WDR41: variants seen among roughly 807,000 people sequenced by gnomAD.
WDR41 encodes the protein WD repeat domain 41, also known as WD repeat-containing protein 41.
WDR41 carries 63 observed loss-of-function variants against 69.3 expected under a neutral mutation model. That is an observed-to-expected ratio of 0.91 (90% CI 0.74 to 1.12). The LOEUF is 1.12. Ranked by LOEUF, WDR41 falls within the 50% of genes most tolerant of loss-of-function variation. The pLI, the probability that WDR41 is intolerant of heterozygous loss-of-function variation, is 0.00. For missense variants in WDR41, 543 were observed against 534.5 expected, an observed-to-expected ratio of 1.02 and a Z score of -0.16; for synonymous variants, 185 against 192.1, an observed-to-expected ratio of 0.96 and a Z score of 0.31.
intron 1 of WDR41, chr5:77,620,363 G>A (rs1744758451): frequency 5.1e-6 from 2 of 390,014 alleles, no homozygotes; most frequent in Non-Finnish European, 5.1e-6. Context: ...AAATGTAAAT[G>A]ATCCCAGCTA....
intron 1 of WDR41, among the ~76,000 whole-genome samples, chr5:77,610,159 A>G (rs1480809715): frequency 6.6e-6 from 1 of 152,258 alleles, no homozygotes; most frequent in Non-Finnish European, 1.5e-5. Flanking sequence ...GGACTATGTG[A>G]AAAGACCAAA....
intron 1 of WDR41, among the ~76,000 whole-genome samples, chr5:77,613,362 G>T (rs1379984868): frequency 1.2e-4 from 18 of 152,272 alleles, no homozygotes; most frequent in African/African-American, 3.9e-4. Flanking sequence ...AAAGAACAAA[G>T]CTGGAGGCAT....
At chr5:77,500,326 T>C (rs1801998795) in intron 1 of WDR41, among the ~76,000 whole-genome samples, 1 of 152,070 alleles carries the variant, frequency 6.6e-6, no homozygotes, top group Non-Finnish European at 1.5e-5. Flanking sequence ...GATGAACTAA[T>C]AGCAGAATGG....
intron 2 of WDR41, among the ~76,000 whole-genome samples, chr5:77,482,471 T>C (rs1185837281): frequency 6.6e-6 from 1 of 152,206 alleles, no homozygotes; most frequent in Non-Finnish European, 1.5e-5. Context: ...TGCAATTTAT[T>C]TGTTGAAAAA....
chr5:77,440,374 A>G (rs186282037), intron 9 of WDR41, among the ~76,000 whole-genome samples: 70 of 152,308 alleles, frequency 4.6e-4, no homozygotes, highest in South Asian at 8.3e-4. Context: ...CCCAAGTCCT[A>G]TAAGATGGAA....
intron 1 of WDR41, among the ~76,000 whole-genome samples, chr5:77,606,807 A>C (rs985231769): frequency 2.6e-5 from 4 of 151,974 alleles, no homozygotes; most frequent in African/African-American, 9.7e-5. Context: ...TGTCACAAAG[A>C]AAAGAAAAGA....
chr5:77,458,966 A>T (rs534466563), intron 5 of WDR41, 96 bp downstream of exon 5: 1 of 839,484 alleles, frequency 1.2e-6, no homozygotes, highest in Non-Finnish European at 1.9e-6. Context: ...AATAATTCAT[A>T]AGACCCACAA....
chr5:77,465,668 C>T (rs1161376860), intron 2 of WDR41, among the ~76,000 whole-genome samples: 1 of 151,004 alleles, frequency 6.6e-6, no homozygotes, highest in Non-Finnish European at 1.5e-5. Flanking sequence ...TTTTTAATGA[C>T]TCAGAATCAA....
chr5:77,490,706 A>C (rs1801735587), intron 1 of WDR41, among the ~76,000 whole-genome samples: 1 of 152,178 alleles, frequency 6.6e-6, no homozygotes, highest in Non-Finnish European at 1.5e-5. Flanking sequence ...CTCCAATGAA[A>C]ACTTGCCAGG....
chr5:77,461,576 G>A (rs1456199416), intron 4 of WDR41, among the ~76,000 whole-genome samples: 2 of 152,210 alleles, frequency 1.3e-5, no homozygotes, highest in Non-Finnish European at 2.9e-5. Context: ...AGTGGCTCAT[G>A]CCAGTAATCC....
chr5:77,526,146 A>G (rs1338254678), intron 1 of WDR41, among the ~76,000 whole-genome samples: 3 of 152,314 alleles, frequency 2.0e-5, no homozygotes, highest in South Asian at 2.1e-4. Context: ...CATACTACCT[A>G]TTGATTAAAT....
intron 1 of WDR41, among the ~76,000 whole-genome samples, chr5:77,612,866 A>G (rs1210386685): frequency 5.9e-5 from 9 of 151,918 alleles, no homozygotes; most frequent in Admixed American, 1.3e-4. Context: ...CCCTGTTTGC[A>G]GATGACATGA....
intron 8 of WDR41, among the ~76,000 whole-genome samples, chr5:77,443,250 C>A (rs950573938): frequency 6.6e-6 from 1 of 151,998 alleles, no homozygotes; most frequent in Non-Finnish European, 1.5e-5. Context: ...TATTTTGAGC[C>A]CCTGGTATTA....
At chr5:77,461,701 G>A (rs950770717) in intron 4 of WDR41, among the ~76,000 whole-genome samples, 2 of 152,038 alleles carry the variant, frequency 1.3e-5, no homozygotes, top group African/African-American at 4.8e-5. Flanking sequence ...AGCCGGACGT[G>A]GTGGCAGGCG....
intron 5 of WDR41, among the ~76,000 whole-genome samples, chr5:77,458,516 G>A (rs1449600921): frequency 6.6e-6 from 1 of 152,086 alleles, no homozygotes; most frequent in Admixed American, 6.5e-5. Context: ...AAGCAACCAA[G>A]TCTTATCTAT....
intron 1 of WDR41, among the ~76,000 whole-genome samples, chr5:77,551,503 C>A (rs1169741108): frequency 6.8e-6 from 1 of 145,988 alleles, no homozygotes; most frequent in Admixed American, 6.7e-5. Context: ...CATAGCGAAA[C>A]CCTGTCGCTA....
intron 2 of WDR41, among the ~76,000 whole-genome samples, chr5:77,486,211 T>A (rs1276741389): frequency 1.3e-5 from 2 of 152,222 alleles, no homozygotes; most frequent in Non-Finnish European, 2.9e-5. Context: ...CAGAATTAAA[T>A]TTTTAAAAAC....
chr5:77,582,732 T>C, intron 1 of WDR41: 2 of 1,593,324 alleles, frequency 1.3e-6, no homozygotes, highest in Non-Finnish European at 1.7e-6. Context: ...AAATCTTCAA[T>C]GGAACCTTTG....
At chr5:77,557,474 A>G (rs1008332192) in intron 1 of WDR41, among the ~76,000 whole-genome samples, 2 of 152,214 alleles carry the variant, frequency 1.3e-5, no homozygotes, top group African/African-American at 4.8e-5. Flanking sequence ...AGAAGTAACC[A>G]AAAGTATAAA....
Sources: gnomAD v4.1 joint callset for allele counts (sites outside exome capture counted in the v4.1 genomes callset) on GRCh38, gnomAD v4.1.1 for gene constraint, MANE v1.5 for transcripts, NCBI Gene and HGNC (gene_info 2026-07-23, HGNC 2026-07-21) for gene names.